Variants in COG7 observed in about 807,000 individuals in gnomAD.
COG7 encodes component of oligomeric golgi complex 7.
COG7 carries 49 observed loss-of-function variants against 91.5 expected under a neutral mutation model. The observed-to-expected ratio is 0.54, with a 90% CI of 0.43 to 0.68. The LOEUF (loss-of-function observed/expected upper bound fraction) is 0.68, where lower values mean the gene tolerates loss of function less well. Among genes scored for constraint, COG7 ranks in the 30% least tolerant of loss-of-function variants. COG7 has a pLI of 0.00. For missense variants in COG7, 895 were observed against 961.3 expected, an observed-to-expected ratio of 0.93 and a Z score of 0.91; for synonymous variants, 365 against 388.7, an observed-to-expected ratio of 0.94 and a Z score of 0.72.
Position 23,424,962 on chromosome 16 carries a change from A to ACCAC in COG7, c.811-16_811-15insGTGG. Reference sequence around the variant, plus strand: ...TTCTGGAAAACCTGCAGTGAGAGAGAGGTGTACCTGCCTTAGCACATGGAG... The same window carrying ACCAC: ...TTCTGGAAAACCTGCAGTGAGAGAGACCACGGTGTACCTGCCTTAGCACATGGAG... On this transcript the variant is annotated splice_polypyrimidine_tract_variant and intron_variant, in intron 6 of 16. Transcript: ENST00000307149. 1 of 1,585,160 alleles carries ACCAC rather than the reference A, an allele frequency of 6.3e-7. No homozygotes were observed. The highest frequency in any genetic ancestry group is 8.6e-7 in the Non-Finnish European group (1 of 1,162,964).
chr16:23,425,916 T>G (rs1963838375), intron 6 of COG7, among the ~76,000 whole-genome samples: 1 of 152,142 alleles, frequency 6.6e-6, no homozygotes, highest in Admixed American at 6.6e-5. Context: ...AAAAATTAAC[T>G]AGAGAGAGGA....
At chr16:23,396,278 C>T (rs1963284412) in intron 14 of COG7, among the ~76,000 whole-genome samples, 1 of 152,206 alleles carries the variant, frequency 6.6e-6, no homozygotes, top group Non-Finnish European at 1.5e-5. Flanking sequence ...CTCTCTAGAC[C>T]TCAGTTTCTT....
At chr16:23,413,618 T>C in intron 9 of COG7, 54 bp from the exon 10 acceptor site, 1 of 945,108 alleles carries the variant, frequency 1.1e-6, no homozygotes, top group South Asian at 1.3e-5. Flanking sequence ...TCCCCAACTC[T>C]AAAGAGACCT....
In COG7 at chr16:23,423,364, A is replaced by G. The variant is rs188528855; in HGVS notation, c.1009+1385T>C. On this transcript the variant is annotated intron_variant, in intron 7 of 16. Transcript: ENST00000307149. ...CCTGGGCGAGAGTGAGACTCGTCCC[A>G]TGGCTGACTAGCAAAGCACTTCCAG... 1.5e-3 allele frequency among the ~76,000 whole-genome samples: 232 copies of G among 152,288 alleles called. 5 individuals are homozygous for G. The highest frequency in any genetic ancestry group is 0.015 in the Admixed American group (232 of 15,286).
At chr16:23,393,117 TA>T (rs949926372) in intron 15 of COG7, 115 bp downstream of exon 15, 113 of 742,986 alleles carry the variant, frequency 1.5e-4, no homozygotes, top group Non-Finnish European at 2.1e-4. Flanking sequence ...GTTAGAAGGT[TA>T]AAAAAAAACA....
chr16:23,397,516 G>A (rs770959469), intron 14 of COG7, among the ~76,000 whole-genome samples: 3 of 152,168 alleles, frequency 2.0e-5, no homozygotes, highest in Non-Finnish European at 4.4e-5. Context: ...AGGACTCCAC[G>A]TGCCCCCATT....
intron 11 of COG7, among the ~76,000 whole-genome samples, chr16:23,406,632 G>A (rs192660128): frequency 3.3e-4 from 51 of 152,294 alleles, no homozygotes; most frequent in African/African-American, 1.2e-3. Flanking sequence ...TCAAATGCCA[G>A]CATGGACCAC....
chr16:23,401,163 A>C (rs1240252849), intron 13 of COG7, among the ~76,000 whole-genome samples: 2 of 152,226 alleles, frequency 1.3e-5, no homozygotes, highest in Non-Finnish European at 2.9e-5. Flanking sequence ...GTTGGTTTGT[A>C]GTCTCGGAAT....
chr16:23,402,182 C>T (rs1477332845), intron 13 of COG7, among the ~76,000 whole-genome samples: 2 of 152,118 alleles, frequency 1.3e-5, no homozygotes, highest in African/African-American at 4.8e-5. Flanking sequence ...TTCTTAAAAA[C>T]AGCATTATAG....
At position 23,398,060 on chromosome 16, in the gene COG7, C is replaced by T. The variant is rs150027511; in HGVS notation, c.1873G>A (p.Glu625Lys). ...GAAGCTCTTACGTTGCTGATGTACT[C>T]GAGAGGGGTGAGACTAAAGGCGGGC... Reference protein sequence around the residue: ...ELPAFSLTPLEYISNIGQYIM... With the variant: ...ELPAFSLTPLKYISNIGQYIM... Residue 625 changes from glutamate to lysine, a missense_variant, in exon 14 of 17, where the codon GAG (glutamate) becomes AAG (lysine). By Grantham distance (56) the Glu-to-Lys change is moderately conservative. Transcript: ENST00000307149. 13 of 1,613,964 alleles carry T rather than the reference C, an allele frequency of 8.1e-6. No individual in the cohort carries two copies. Among genetic ancestry groups the T allele is most frequent in the East Asian group, 2.2e-5 (1 of 44,886 alleles).
At chr16:23,442,938 G>A (rs934896770) in intron 3 of COG7, among the ~76,000 whole-genome samples, 1 of 151,894 alleles carries the variant, frequency 6.6e-6, no homozygotes, top group Non-Finnish European at 1.5e-5. Flanking sequence ...GGAAGCTAAG[G>A]CAGGAGGATC....
rs139103410 is a variant in COG7 at position 23,389,430 on chromosome 16, C to T, written c.2147-344G>A. Among the ~76,000 whole-genome samples, 722 of 151,818 alleles carry T rather than the reference C, an allele frequency of 4.8e-3. 2 individuals carry two copies. The highest frequency in any genetic ancestry group is 0.011 in the South Asian group (55 of 4,800). On this transcript the variant is annotated intron_variant, in intron 16 of 16. Transcript: ENST00000307149. ...AAACTCGCACACACACTCACATGTA[C>T]ACACACTCACATGCACACACTCTCA...
rs568813084 is a variant in COG7 at position 23,434,709 on chromosome 16, T to C, written c.614A>G (p.Lys205Arg). The change falls in exon 5 of 17, where the codon AAA becomes AGA. Residue 205 changes from lysine to arginine, a missense_variant. Transcript: ENST00000307149. Reference sequence around the variant, plus strand: ...TTCAGTAAACACCTTCACAAACACTTTGGACTGATCTAAAGAACATACAAT... The same window carrying C: ...TTCAGTAAACACCTTCACAAACACTCTGGACTGATCTAAAGAACATACAAT... ...AFTSQAVDQS[K>R]VFVKVFTEID... 1 of 1,611,594 alleles carries C rather than the reference T, an allele frequency of 6.2e-7. No homozygotes were observed. Among genetic ancestry groups the C allele is most frequent in the South Asian group, 1.1e-5 (1 of 91,034 alleles).
Position 23,410,281 on chromosome 16 carries a change from C to T in COG7, c.1475+14G>A, listed in dbSNP as rs756383570. 5 of 1,609,564 alleles carry T rather than the reference C, an allele frequency of 3.1e-6. No individual in the cohort carries two copies. The highest frequency in any genetic ancestry group is 1.1e-5 in the South Asian group (1 of 90,826). Reference sequence around the variant, plus strand: ...AACCCCAGGGTGTAGAGGACAATGACTCCTCTCTCCTACCTGTTGGCTAGC... The same window carrying T: ...AACCCCAGGGTGTAGAGGACAATGATTCCTCTCTCCTACCTGTTGGCTAGC... On this transcript the variant is annotated intron_variant, in intron 11 of 16. Coordinates refer to ENST00000307149, the MANE Select transcript of COG7 (RefSeq NM_153603.4).
chr16:23,399,934 T>A (rs1336847312), intron 13 of COG7, among the ~76,000 whole-genome samples: 2 of 152,144 alleles, frequency 1.3e-5, no homozygotes, highest in African/African-American at 4.8e-5. Context: ...CAACTGGAAA[T>A]TTGAACACTG....
chr16:23,430,049 T>C (rs1963909803), intron 6 of COG7, among the ~76,000 whole-genome samples: 1 of 152,136 alleles, frequency 6.6e-6, no homozygotes, highest in Non-Finnish European at 1.5e-5. Flanking sequence ...GCGATGGTGA[T>C]ATGGATGTTC....
chr16:23,393,675 T>G (rs1963237337), intron 14 of COG7: 1 of 341,512 alleles, frequency 2.9e-6, no homozygotes, highest in African/African-American at 2.1e-5. Context: ...ATATAAGTAT[T>G]ATTACTGTTC....
rs771365809 is a variant in COG7, at chr16:23,451,275, A to G, written c.169+1551T>C. The stretch of plus-strand genomic sequence containing the variant: ...TGGAAGCAGTCTGTTTGGTCTTTCC[A>G]TCTGAGCCTAGGAGAGAGACTTGTG... On this transcript the variant is annotated intron_variant, in intron 1 of 16. Transcript: ENST00000307149. 1.0e-3 allele frequency among the ~76,000 whole-genome samples: 154 copies of G among 152,350 alleles called. 3 individuals are homozygous for G. Among genetic ancestry groups the G allele is most frequent in the Non-Finnish European group, 2.8e-4 (19 of 68,024 alleles).
At chr16:23,437,089 G>A (rs575141178) in intron 4 of COG7, among the ~76,000 whole-genome samples, 4 of 152,266 alleles carry the variant, frequency 2.6e-5, no homozygotes, top group Admixed American at 2.0e-4. Flanking sequence ...CTGCGGCCCA[G>A]CAGAGGAGGC....
Sources: allele counts gnomAD v4.1 joint callset (sites outside exome capture counted in the v4.1 genomes callset), GRCh38; gene constraint gnomAD v4.1.1; transcripts MANE v1.5; gene names NCBI Gene and HGNC (gene_info 2026-07-23, HGNC 2026-07-21).